Variants in SCN1A observed in about 807,000 individuals in gnomAD.
SCN1A encodes sodium voltage-gated channel alpha subunit 1, also known as sodium channel protein type 1 subunit alpha.
In SCN1A, 13 loss-of-function variants were observed where a neutral mutation model predicts 193.7. The observed-to-expected ratio is 0.07, with a 90% confidence interval of 0.04 to 0.11. The LOEUF is 0.11. SCN1A is among the 10% of genes least tolerant of loss of function. The pLI is 1.00. For synonymous variants in SCN1A, 781 were observed against 843.6 expected (o/e 0.93, Z 1.29); for missense variants, 1,432 against 2,451.1 (o/e 0.58, Z 8.78).
At chr2:166,093,758 C>T (rs975414984) in intron 2 of SCN1A, among the ~76,000 whole-genome samples, 1 of 152,078 alleles carries the variant, frequency 6.6e-6, no homozygotes, top group African/African-American at 2.4e-5. Context: ...ATAACATGTT[C>T]TTAACTTTTG....
chr2:166,138,913 C>T (rs1320315322), intron 1 of SCN1A, among the ~76,000 whole-genome samples: 1 of 152,174 alleles, frequency 6.6e-6, no homozygotes. Flanking sequence ...CATGGGAACC[C>T]ACCTCTTGCA....
chr2:166,080,221 C>T (rs900024718), intron 2 of SCN1A, among the ~76,000 whole-genome samples: 19 of 151,656 alleles, frequency 1.3e-4, no homozygotes, highest in South Asian at 4.2e-4. Flanking sequence ...TCACTAGATA[C>T]GGGGTAGTAA....
chr2:166,022,706 T>C (rs1331457673), intron 19 of SCN1A, among the ~76,000 whole-genome samples: 4 of 152,236 alleles, frequency 2.6e-5, no homozygotes, highest in Non-Finnish European at 5.9e-5. Flanking sequence ...GGTGATCATG[T>C]CACACCGAAT....
intron 23 of SCN1A, among the ~76,000 whole-genome samples, chr2:166,004,019 A>G (rs910380793): frequency 4.6e-5 from 7 of 151,592 alleles, no homozygotes; most frequent in African/African-American, 1.7e-4. Flanking sequence ...ACAAAGGTGG[A>G]GGGGATGAGT....
Position 166,038,226 on chromosome 2 carries a change from C to T in SCN1A, c.2590-94G>A. ...AGAAATGGTCATTAGAATTCAATATCTTACAATATCTGATCTGCCCTAACC... is the reference window on the plus strand; with the variant it reads ...AGAAATGGTCATTAGAATTCAATATTTTACAATATCTGATCTGCCCTAACC... On this transcript the variant is annotated intron_variant, in intron 17 of 28. Transcript: ENST00000674923. 9.2e-6 allele frequency: 9 copies of T among 976,614 alleles called. No homozygotes were observed. The South Asian group carries it at 1.5e-4, about 17-fold the overall frequency. 60.5% of individuals were successfully genotyped at this position (976,614 alleles called of 1,614,324 possible). A position where few individuals can be genotyped will look rare whatever the true frequency, so the allele number is the denominator to read the frequency against.
At chr2:166,102,582 C>G (rs1485235573) in intron 2 of SCN1A, among the ~76,000 whole-genome samples, 1 of 150,310 alleles carries the variant, frequency 6.7e-6, no homozygotes, top group Non-Finnish European at 1.5e-5. Flanking sequence ...AAAGGGAACA[C>G]TTATACACTG....
intron 2 of SCN1A, among the ~76,000 whole-genome samples, chr2:166,091,423 GA>G (rs1390968185): frequency 1.3e-5 from 2 of 152,230 alleles, no homozygotes; most frequent in African/African-American, 4.8e-5. Context: ...TCACAAGAGG[GA>G]TTTAGATGCT....
intron 10 of SCN1A, 72 bp from the exon 11 acceptor site, chr2:166,047,840 T>A: frequency 6.3e-7 from 1 of 1,580,056 alleles, no homozygotes; most frequent in Non-Finnish European, 8.7e-7. Context: ...TGCTATGATA[T>A]TGCCTAGTCA....
chr2:166,095,952 C>G (rs1687330327), intron 2 of SCN1A, among the ~76,000 whole-genome samples: 1 of 152,088 alleles, frequency 6.6e-6, no homozygotes, highest in Admixed American at 6.6e-5. Context: ...TGAACCCTCC[C>G]CTAAAAGCAA....
intron 26 of SCN1A, 113 bp downstream of exon 26, chr2:165,997,925 T>C: frequency 1.3e-6 from 1 of 799,454 alleles, no homozygotes; most frequent in Non-Finnish European, 2.1e-6. Flanking sequence ...GAAAAATCAG[T>C]TATAATATAT....
At chr2:166,008,442 C>G (rs1041059670) in intron 23 of SCN1A, among the ~76,000 whole-genome samples, 2 of 150,958 alleles carry the variant, frequency 1.3e-5, no homozygotes, top group African/African-American at 4.8e-5. Context: ...TTCTCCAGAA[C>G]TGAAACTGCC....
intron 1 of SCN1A, among the ~76,000 whole-genome samples, chr2:166,143,516 C>G: frequency 6.6e-6 from 1 of 152,110 alleles, no homozygotes; most frequent in South Asian, 2.1e-4. Context: ...ACATGTGTGA[C>G]TAAGGATGTA....
intron 14 of SCN1A, among the ~76,000 whole-genome samples, chr2:166,043,208 G>A (rs1021141904): frequency 3.9e-5 from 6 of 152,190 alleles, no homozygotes; most frequent in African/African-American, 9.6e-5. Context: ...AAAAATATGA[G>A]TACTAGGAGT....
chr2:165,992,476 A>G lies in SCN1A; in HGVS notation c.4853-54T>C. The G allele has an allele frequency of 6.2e-7, 1 of 1,603,854 alleles. No homozygotes were observed. The highest frequency in any genetic ancestry group is 8.5e-7 in the Non-Finnish European group (1 of 1,171,592). ...AGTGAAGAAATCATGCGTTAAAATA[A>G]ACATATGTTTCTTCTAAAGCTCCAA... On this transcript the variant is annotated intron_variant, in intron 28 of 28. Coordinates refer to ENST00000674923, the MANE Select transcript of SCN1A (RefSeq NM_001165963.4). The surrounding 1 kb of genome is among the most constrained non-coding windows in gnomAD (Gnocchi z 6.5).
intron 2 of SCN1A, among the ~76,000 whole-genome samples, chr2:166,120,200 T>C (rs1305093558): frequency 6.6e-6 from 1 of 151,720 alleles, no homozygotes; most frequent in Non-Finnish European, 1.5e-5. Context: ...CTTTTTTATG[T>C]ACTTTATGTT....
intron 6 of SCN1A, among the ~76,000 whole-genome samples, 190 bp from the exon 7 acceptor site, chr2:166,054,956 T>C (rs1019616052): frequency 6.6e-6 from 1 of 152,030 alleles, no homozygotes; most frequent in Non-Finnish European, 1.5e-5. Context: ...AGTTGTTTCG[T>C]AAAGTGTCTT....
intron 21 of SCN1A, 22 bp downstream of exon 21, chr2:166,013,720 TCA>T: frequency 6.2e-7 from 1 of 1,608,442 alleles, no homozygotes; most frequent in Non-Finnish European, 8.5e-7. Context: ...TAGTGCTGTA[TCA>T]CCTTTTCTTA....
At chr2:166,101,197 A>T (rs561686427) in intron 2 of SCN1A, among the ~76,000 whole-genome samples, 66 of 151,706 alleles carry the variant, frequency 4.4e-4, no homozygotes, top group Non-Finnish European at 8.7e-4. Flanking sequence ...TGATGAGTTC[A>T]TGTCCTTTGT....
intron 2 of SCN1A, among the ~76,000 whole-genome samples, chr2:166,109,905 G>A (rs776614056): frequency 1.3e-5 from 2 of 152,046 alleles, no homozygotes; most frequent in Non-Finnish European, 1.5e-5. Flanking sequence ...GTATAAAAAT[G>A]TAGTTAGATA....
Sources: allele counts gnomAD v4.1 joint callset (sites outside exome capture counted in the v4.1 genomes callset), GRCh38; gene constraint gnomAD v4.1.1; non-coding constraint Gnocchi (gnomAD v3.1); transcripts MANE v1.5; gene names NCBI Gene and HGNC (gene_info 2026-07-23, HGNC 2026-07-21).